Variants in ADAMTS3 observed in about 807,000 individuals in gnomAD.
ADAMTS3 encodes the protein ADAM metallopeptidase with thrombospondin type 1 motif 3.
A neutral mutation model predicts 129.0 loss-of-function variants in ADAMTS3; 73 were observed. That is an observed-to-expected ratio of 0.57 (90% confidence interval 0.47 to 0.69). The LOEUF is 0.69. ADAMTS3 is among the 30% of genes least tolerant of loss of function. The probability of loss-of-function intolerance (pLI) is 0.00; values close to 1 mark genes in which losing one functional copy is unlikely to be tolerated. For synonymous variants in ADAMTS3, 477 were observed against 510.8 expected (o/e 0.93, Z 0.89); for missense variants, 1,457 against 1,514.5 (o/e 0.96, Z 0.63).
At chr4:72,402,060 T>C (rs1463404155) in intron 4 of ADAMTS3, among the ~76,000 whole-genome samples, 1 of 152,210 alleles carries the variant, frequency 6.6e-6, no homozygotes, top group Non-Finnish European at 1.5e-5. Flanking sequence ...TTACTTTCAG[T>C]GATTAAGAGT....
chr4:72,384,370 T>A (rs899897027), intron 4 of ADAMTS3, among the ~76,000 whole-genome samples: 1 of 152,202 alleles, frequency 6.6e-6, no homozygotes, highest in African/African-American at 2.4e-5. Flanking sequence ...CAGTTTTTAG[T>A]CACATTGTTA....
intron 4 of ADAMTS3, among the ~76,000 whole-genome samples, chr4:72,354,321 C>T (rs1030454984): frequency 6.6e-6 from 1 of 152,036 alleles, no homozygotes; most frequent in Non-Finnish European, 1.5e-5. Context: ...TTTACAGATA[C>T]TGACTTGAGT....
chr4:72,426,962 T>C (rs1180353482), intron 3 of ADAMTS3, among the ~76,000 whole-genome samples: 1 of 152,104 alleles, frequency 6.6e-6, no homozygotes, highest in Non-Finnish European at 1.5e-5. Context: ...AGGGTGATTT[T>C]TCCTAAAAAT....
chr4:72,489,137 T>C (rs1428558923), intron 3 of ADAMTS3, among the ~76,000 whole-genome samples: 6 of 151,920 alleles, frequency 3.9e-5, no homozygotes, highest in African/African-American at 1.4e-4. Context: ...TGAATAAAGG[T>C]TTAGAAAGGT....
rs144725780 is a variant in ADAMTS3 at position 72,445,475 on chromosome 4, A to G, written c.505-30504T>C. ...ACATCACTTAAGTACACTGTCCTTAATAATGAGTACTATAGGAAAAACAGT... is the reference window on the plus strand; with the variant it reads ...ACATCACTTAAGTACACTGTCCTTAGTAATGAGTACTATAGGAAAAACAGT... On this transcript the variant is annotated intron_variant, in intron 3 of 21. Transcript: ENST00000286657. Among the ~76,000 whole-genome samples the G allele has an allele frequency of 2.0e-3, 311 of 151,864 alleles. 3 individuals carry two copies. The highest frequency in any genetic ancestry group is 7.3e-3 in the African/African-American group (302 of 41,520).
chr4:72,552,627 C>T (rs1171429504), intron 2 of ADAMTS3, among the ~76,000 whole-genome samples: 1 of 152,148 alleles, frequency 6.6e-6, no homozygotes, highest in African/African-American at 2.4e-5. Flanking sequence ...TCTCCTCAAA[C>T]CCATCCCACT....
In ADAMTS3 at chr4:72,325,775, C is replaced by T. The variant is rs1719683735; in HGVS notation, c.862-2678G>A. ...CTGTAACATATGTAATACATCAATG[C>T]TATAGGAAGCTCCTACAACAGAAAG... On this transcript the variant is annotated intron_variant, in intron 5 of 21. Transcript: ENST00000286657. 2.6e-5 allele frequency among the ~76,000 whole-genome samples: 4 copies of T among 152,048 alleles called. No homozygotes were observed. In the South Asian group the frequency reaches 6.2e-4, roughly 24 times the overall value.
intron 4 of ADAMTS3, among the ~76,000 whole-genome samples, chr4:72,373,189 T>TA (rs1560491329): frequency 2.0e-5 from 3 of 152,146 alleles, no homozygotes; most frequent in African/African-American, 7.2e-5. Flanking sequence ...ACACCGCATA[T>TA]ATCAAAAGCT....
At chr4:72,357,746 T>G (rs1720616715) in intron 4 of ADAMTS3, among the ~76,000 whole-genome samples, 1 of 151,976 alleles carries the variant, frequency 6.6e-6, no homozygotes, top group African/African-American at 2.4e-5. Context: ...TGGTTACATC[T>G]GTAAATTTTC....
At chr4:72,503,454 C>T (rs1170106189) in intron 3 of ADAMTS3, among the ~76,000 whole-genome samples, 4 of 152,116 alleles carry the variant, frequency 2.6e-5, no homozygotes, top group Admixed American at 6.6e-5. Flanking sequence ...TTTTATTCCA[C>T]TGTGGTCTGA....
chr4:72,548,799 A>G lies in ADAMTS3; in HGVS notation c.183T>C (p.Leu61=), dbSNP rs1387030644. 6.2e-7 allele frequency: 1 copy of G among 1,613,788 alleles called. No homozygotes were observed. The highest frequency in any genetic ancestry group is 1.3e-5 in the African/African-American group (1 of 74,902). ...NLEGRYLSHT[L]SASHKKRSAR... Reference sequence around the variant, plus strand: ...CTGACCTCTTTTTGTGACTCGCAGAAAGAGTATGGGAGAGATAGCGTCCTT... The same window carrying G: ...CTGACCTCTTTTTGTGACTCGCAGAGAGAGTATGGGAGAGATAGCGTCCTT... The change falls in exon 3 of 22, where the codon CTT becomes CTC. Residue 61 remains leucine (L), a synonymous_variant. Transcript: ENST00000286657.
chr4:72,315,952 C>T lies in ADAMTS3; in HGVS notation c.1505G>A (p.Cys502Tyr), dbSNP rs1719384477. The change falls in exon 11 of 22, where the codon TGT becomes TAT. Residue 502 changes from cysteine (C) to tyrosine (Y), a missense_variant. Transcript: ENST00000286657. ...MCTAFRTFDP[C>Y]KQLWCSHPDN... ...AGGATGGCTACACCACAGCTGTTTA[C>T]ATGGGTCAAAGGTTCGGAACTGGAA... is the stretch of plus-strand genomic sequence containing the variant. 2 of 1,612,158 alleles carry T rather than the reference C, an allele frequency of 1.2e-6. No homozygotes were observed. The highest frequency in any genetic ancestry group is 1.3e-5 in the African/African-American group (1 of 74,828).
At chr4:72,545,675 A>G (rs544641495) in intron 3 of ADAMTS3, among the ~76,000 whole-genome samples, 2 of 152,286 alleles carry the variant, frequency 1.3e-5, no homozygotes, top group Admixed American at 1.3e-4. Context: ...CATGTAATCC[A>G]TGAAGGCACA....
chr4:72,304,760 A>G (rs969148364), intron 16 of ADAMTS3, among the ~76,000 whole-genome samples: 1 of 152,078 alleles, frequency 6.6e-6, no homozygotes, highest in Non-Finnish European at 1.5e-5. Context: ...TTATCAGCAT[A>G]TAATGTTACA....
At chr4:72,500,932 G>A (rs745772062) in intron 3 of ADAMTS3, among the ~76,000 whole-genome samples, 2 of 152,034 alleles carry the variant, frequency 1.3e-5, no homozygotes, top group Non-Finnish European at 2.9e-5. Context: ...TAGGCATGTG[G>A]CTTTATTTCT....
chr4:72,497,709 A>G lies in ADAMTS3; in HGVS notation c.504+50769T>C, dbSNP rs552143070. On this transcript the variant is annotated intron_variant, in intron 3 of 21. Transcript: ENST00000286657. ...AAATATAACAAAGCTGCCTCCAAAA[A>G]AATCTCAACTTTTCTTGTTATAGAT... Among the ~76,000 whole-genome samples the G allele has an allele frequency of 2.7e-5, 4 of 149,862 alleles. No individual in the cohort carries two copies. In the East Asian group the frequency reaches 7.8e-4, roughly 29 times the overall value.
intron 5 of ADAMTS3, among the ~76,000 whole-genome samples, chr4:72,326,274 A>G (rs926726666): frequency 3.3e-5 from 5 of 152,160 alleles, no homozygotes; most frequent in Admixed American, 6.6e-5. Context: ...TCTGTACTGT[A>G]CAAAGCACTG....
intron 4 of ADAMTS3, among the ~76,000 whole-genome samples, chr4:72,390,886 A>G (rs1458555230): frequency 1.0e-4 from 5 of 50,006 alleles, no homozygotes; most frequent in African/African-American, 2.0e-4. Flanking sequence ...AGGTTCCTAG[A>G]AAAAATTAAA....
intron 12 of ADAMTS3, among the ~76,000 whole-genome samples, chr4:72,313,344 C>A (rs1560468327): frequency 6.6e-6 from 1 of 152,150 alleles, no homozygotes; most frequent in Non-Finnish European, 1.5e-5. Context: ...TTCCTGGACA[C>A]TCTCTTGTTT....
Sources: allele counts gnomAD v4.1 joint callset (sites outside exome capture counted in the v4.1 genomes callset), GRCh38; gene constraint gnomAD v4.1.1; transcripts MANE v1.5; gene names NCBI Gene and HGNC (gene_info 2026-07-23, HGNC 2026-07-21).